Variants in EDARADD observed in about 807,000 individuals in gnomAD.
EDARADD encodes EDAR associated via death domain.
EDARADD carries 20 observed loss-of-function variants against 25.6 expected under a neutral mutation model. The ratio of observed to expected loss-of-function variants is 0.78; its 90% CI spans 0.55 to 1.14. The LOEUF is 1.14. Among genes scored for constraint, EDARADD ranks in the 50% most tolerant of loss-of-function variants. EDARADD has a pLI of 0.00. For missense variants in EDARADD, 225 were observed against 270.1 expected, an observed-to-expected ratio of 0.83 and a Z score of 1.17; for synonymous variants, 86 against 94.4, an observed-to-expected ratio of 0.91 and a Z score of 0.52.
At chr1:236,447,196 CTTTCTTTCTTTCTTTCTTT>C (rs1558127384) in intron 4 of EDARADD, among the ~76,000 whole-genome samples, 1 of 59,918 alleles carries the variant, frequency 1.7e-5, no homozygotes, top group African/African-American at 6.5e-5. Context: ...TTCTTTCTTT[CTTTCTTTCTTTCTTTCTTT>C]CTTTCTTTCC....
Position 236,484,224 on chromosome 1 carries a change from C to T in EDARADD, c.*1575C>T. Reference sequence around the variant, plus strand: ...CCAGATTCGCTCTGTGACTGAGTCCCTTCAGGCGTGCAAGCTGGCCCAGGC... The same window carrying T: ...CCAGATTCGCTCTGTGACTGAGTCCTTTCAGGCGTGCAAGCTGGCCCAGGC... On this transcript the variant is annotated 3_prime_UTR_variant, in exon 6 of 6. Transcript: ENST00000334232. The surrounding 1 kb of genome is among the most constrained non-coding windows in gnomAD (Gnocchi z 4.1). 1.0e-6 allele frequency: 1 copy of T among 988,380 alleles called. No homozygotes were observed. Among genetic ancestry groups the T allele is most frequent in the East Asian group, 2.4e-5 (1 of 42,114 alleles). 61.2% of individuals were successfully genotyped at this position (988,380 alleles called of 1,614,324 possible).
intron 4 of EDARADD, among the ~76,000 whole-genome samples, chr1:236,463,087 A>G (rs192941883): frequency 3.7e-4 from 57 of 152,258 alleles, no homozygotes; most frequent in African/African-American, 1.3e-3. Context: ...GATTAATCTA[A>G]TTTAGAGATG....
chr1:236,406,117 C>G (rs750593680), intron 1 of EDARADD, among the ~76,000 whole-genome samples: 16 of 151,592 alleles, frequency 1.1e-4, no homozygotes, highest in Admixed American at 6.6e-4. Context: ...ATTAACAAGC[C>G]ACACTCCTGG....
At chr1:236,355,324 T>C (rs1461335215) in intron 3 of EDARADD, among the ~76,000 whole-genome samples, 1 of 152,092 alleles carries the variant, frequency 6.6e-6, no homozygotes, top group Non-Finnish European at 1.5e-5. Context: ...TCTTTTTCTG[T>C]CACTCTTTTA....
At chr1:236,430,607 C>T (rs1355406102) in intron 4 of EDARADD, among the ~76,000 whole-genome samples, 2 of 118,928 alleles carry the variant, frequency 1.7e-5, no homozygotes, top group African/African-American at 5.0e-5. Flanking sequence ...TATTTTAAAA[C>T]AAAATGTCTT....
At chr1:236,396,615 A>C (rs951230662) in intron 1 of EDARADD, among the ~76,000 whole-genome samples, 1 of 152,122 alleles carries the variant, frequency 6.6e-6, no homozygotes, top group African/African-American at 2.4e-5. Flanking sequence ...AGGTGGTCAG[A>C]AGACTACACC....
At chr1:236,380,788 A>G (rs1667287694) in intron 3 of EDARADD, among the ~76,000 whole-genome samples, 1 of 152,154 alleles carries the variant, frequency 6.6e-6, no homozygotes, top group Non-Finnish European at 1.5e-5. Flanking sequence ...CACAGGTGCC[A>G]TCATAGTGCA....
chr1:236,433,321 G>C lies in EDARADD; in HGVS notation c.219+5871G>C, dbSNP rs562970920. Among the ~76,000 whole-genome samples the C allele has an allele frequency of 4.0e-5, 6 of 151,806 alleles. No homozygotes were observed. In the South Asian group the frequency reaches 6.3e-4, roughly 16 times the overall value. On this transcript the variant is annotated intron_variant, in intron 4 of 5. Transcript: ENST00000334232. ...CCTGTAATCCCAGCACTTTGGGGGG[G>C]GCCGAGGCAGGTGGACCACCTGAGG... is the stretch of plus-strand genomic sequence containing the variant.
In EDARADD at chr1:236,377,557, C is replaced by T. The variant is rs574446912; in HGVS notation, c.-6+26718C>T. On this transcript the variant is annotated intron_variant, in intron 3 of 7. Transcript: ENST00000439430. Reference sequence around the variant, plus strand: ...AGTCTGATTCTGATGCTTGCCCGGTCTCTTCAAACTGTATTTTTTTGGCTG... The same window carrying T: ...AGTCTGATTCTGATGCTTGCCCGGTTTCTTCAAACTGTATTTTTTTGGCTG... Among the ~76,000 whole-genome samples, 375 of 151,472 alleles carry T rather than the reference C, an allele frequency of 2.5e-3. 4 individuals carry two copies. The highest frequency in any genetic ancestry group is 0.022 in the Admixed American group (338 of 15,164).
At chr1:236,390,714 C>G (rs1667411956), upstream of EDARADD, among the ~76,000 whole-genome samples, 1 of 152,174 alleles carries the variant, frequency 6.6e-6, no homozygotes, top group Non-Finnish European at 1.5e-5. Context: ...TCCCTGCATT[C>G]TCTCCTAGCT....
chr1:236,368,220 T>C (rs1192013904), intron 3 of EDARADD, among the ~76,000 whole-genome samples: 6 of 152,156 alleles, frequency 3.9e-5, no homozygotes, highest in African/African-American at 1.4e-4. Flanking sequence ...ATATAACTCA[T>C]AATATTTGCC....
intron 4 of EDARADD, among the ~76,000 whole-genome samples, chr1:236,434,116 A>G (rs960274976): frequency 6.6e-6 from 1 of 152,240 alleles, no homozygotes; most frequent in African/African-American, 2.4e-5. Flanking sequence ...GAACCCTCCC[A>G]GTAGATGGAA....
intron 3 of EDARADD, among the ~76,000 whole-genome samples, chr1:236,356,128 C>T (rs894293059): frequency 5.3e-5 from 8 of 152,168 alleles, no homozygotes; most frequent in African/African-American, 1.4e-4. Flanking sequence ...GAGAGTAGGG[C>T]AGAGAGGAAA....
At chr1:236,404,232 G>A (rs1329222899) in intron 1 of EDARADD, among the ~76,000 whole-genome samples, 3 of 152,134 alleles carry the variant, frequency 2.0e-5, no homozygotes, top group East Asian at 1.9e-4. Flanking sequence ...CTAGATAAAC[G>A]ATTTGATTTT....
At chr1:236,363,006 A>AAAAATATATATATATATAT (rs1377112051) in intron 3 of EDARADD, among the ~76,000 whole-genome samples, 2 of 42,950 alleles carry the variant, frequency 4.7e-5, no homozygotes, top group African/African-American at 2.2e-4. Flanking sequence ...AAAAAAAAAA[A>AAAAATATATATATATATAT]ATATATATAT....
Position 236,467,426 on chromosome 1 carries a change from G to GCACACACACA in EDARADD, c.220-784_220-775dup, listed in dbSNP as rs376781528. ...GACTTCATGGGAAGCACACACACGC[G>GCACACACACA]CACACACACACACACACACACACAC... On this transcript the variant is annotated intron_variant, in intron 4 of 5. Coordinates refer to ENST00000334232, the MANE Select transcript of EDARADD (RefSeq NM_145861.4). Among the ~76,000 whole-genome samples the GCACACACACA allele has an allele frequency of 1.4e-4, 19 of 139,028 alleles. No individual in the cohort carries two copies. The South Asian group carries it at 2.6e-3, about 19-fold the overall frequency. 91.2% of individuals were successfully genotyped at this position (139,028 alleles called of 152,430 possible).
In EDARADD at chr1:236,463,878, T is replaced by A. The variant is rs1659107706; in HGVS notation, c.220-4353T>A. ...GGTGTCTTTTCATCATCAAGGTCCA[T>A]CCCTTGCTCCTTGAATACACTCCAG... On this transcript the variant is annotated intron_variant, in intron 4 of 5. Coordinates refer to ENST00000334232, the MANE Select transcript of EDARADD (RefSeq NM_145861.4). 2.0e-5 allele frequency among the ~76,000 whole-genome samples: 3 copies of A among 152,162 alleles called. No individual in the cohort carries two copies. In the South Asian group the frequency reaches 6.2e-4, roughly 31 times the overall value.
intron 4 of EDARADD, among the ~76,000 whole-genome samples, chr1:236,466,267 G>A (rs1162684617): frequency 3.3e-5 from 5 of 152,114 alleles, no homozygotes; most frequent in African/African-American, 7.2e-5. Context: ...CATGACCTGC[G>A]GAGTAATGAC....
chr1:236,408,766 T>G (rs1667782362), intron 1 of EDARADD, among the ~76,000 whole-genome samples: 3 of 151,880 alleles, frequency 2.0e-5, no homozygotes, highest in Admixed American at 1.3e-4. Context: ...CTTTCTTTCT[T>G]TTTTTGAGAT....
Sources: gnomAD v4.1 joint callset for allele counts (sites outside exome capture counted in the v4.1 genomes callset) on GRCh38, gnomAD v4.1.1 for gene constraint, Gnocchi (gnomAD v3.1) non-coding constraint, MANE v1.5 for transcripts, NCBI Gene and HGNC (gene_info 2026-07-23, HGNC 2026-07-21) for gene names.